TRAPPC9: variants seen among roughly 807,000 people sequenced by gnomAD.
TRAPPC9 encodes the protein trafficking protein particle complex subunit 9.
A neutral mutation model predicts 124.0 loss-of-function variants in TRAPPC9; 83 were observed. The ratio of observed to expected loss-of-function variants is 0.67; its 90% confidence interval spans 0.56 to 0.80. The LOEUF (loss-of-function observed/expected upper bound fraction) is 0.80, where lower values mean the gene tolerates loss of function less well. TRAPPC9 is among the 30% of genes least tolerant of loss of function. The pLI, the probability that TRAPPC9 is intolerant of heterozygous loss-of-function variation, is 0.00. For synonymous variants in TRAPPC9, 638 were observed against 617.5 expected, an observed-to-expected ratio of 1.03 and a Z score of -0.49; for missense variants, 1,302 against 1,508.3, an observed-to-expected ratio of 0.86 and a Z score of 2.27.
At chr8:139,810,569 C>T (rs141898239) in intron 21 of TRAPPC9, among the ~76,000 whole-genome samples, 19 of 152,228 alleles carry the variant, frequency 1.2e-4, no homozygotes, top group African/African-American at 2.2e-4. Context: ...CACACCACTG[C>T]GTAAAGCTCT....
Position 140,000,104 on chromosome 8 carries a change from C to T in TRAPPC9, c.2700-11268G>A, listed in dbSNP as rs150956657. Among the ~76,000 whole-genome samples, 1,141 of 152,260 alleles carry T rather than the reference C, an allele frequency of 7.5e-3. 17 individuals are homozygous for T. Among genetic ancestry groups the T allele is most frequent in the African/African-American group, 0.026 (1,093 of 41,542 alleles). ...ACATCTACAACAACCTGATCTTTGACAAACCTGACAAAAACAAGCAATGGT... is the reference window on the plus strand; with the variant it reads ...ACATCTACAACAACCTGATCTTTGATAAACCTGACAAAAACAAGCAATGGT... On this transcript the variant is annotated intron_variant, in intron 18 of 22. Transcript: ENST00000438773.
intron 21 of TRAPPC9, among the ~76,000 whole-genome samples, chr8:139,870,988 C>T (rs1318408276): frequency 6.6e-6 from 1 of 152,154 alleles, no homozygotes; most frequent in Admixed American, 6.5e-5. Context: ...CGTCTCTCTT[C>T]GCTCCCACAC....
At chr8:140,132,874 G>T (rs761332817) in intron 17 of TRAPPC9, among the ~76,000 whole-genome samples, 1 of 152,170 alleles carries the variant, frequency 6.6e-6, no homozygotes, top group African/African-American at 2.4e-5. Flanking sequence ...TTGGCAGCAC[G>T]CAAGAGAGGC....
intron 19 of TRAPPC9, among the ~76,000 whole-genome samples, chr8:139,966,181 G>A (rs915165589): frequency 3.3e-5 from 5 of 152,302 alleles, no homozygotes; most frequent in South Asian, 2.1e-4. Context: ...TCTCATCCTC[G>A]AAGGGAGGTG....
chr8:140,296,402 C>A (rs1351424556), intron 11 of TRAPPC9, among the ~76,000 whole-genome samples: 1 of 152,112 alleles, frequency 6.6e-6, no homozygotes, highest in Non-Finnish European at 1.5e-5. Context: ...CTAGCTGGGA[C>A]CACAGGTGCC....
At chr8:140,208,304 A>G (rs568190797) in intron 17 of TRAPPC9, among the ~76,000 whole-genome samples, 6 of 152,340 alleles carry the variant, frequency 3.9e-5, no homozygotes, top group African/African-American at 1.4e-4. Context: ...AGTGTCCGTA[A>G]GGATGCTTGT....
chr8:140,089,581 T>A (rs534547787), intron 17 of TRAPPC9, among the ~76,000 whole-genome samples: 1 of 152,288 alleles, frequency 6.6e-6, no homozygotes, highest in South Asian at 2.1e-4. Flanking sequence ...TTTTCGGATT[T>A]TGGAATAGCA....
chr8:140,238,533 C>T (rs922943540), intron 16 of TRAPPC9: 1 of 152,206 alleles, frequency 6.6e-6, no homozygotes, highest in African/African-American at 2.4e-5. Context: ...GGAGATGGCA[C>T]GGGCTAAATA....
intron 17 of TRAPPC9, among the ~76,000 whole-genome samples, chr8:140,081,193 C>A (rs1223609797): frequency 6.6e-6 from 1 of 152,180 alleles, no homozygotes; most frequent in Non-Finnish European, 1.5e-5. Context: ...TGGACCTCTG[C>A]TCCTCACAGT....
intron 10 of TRAPPC9, 56 bp from the exon 11 acceptor site, chr8:140,300,670 G>C: frequency 2.5e-6 from 4 of 1,607,006 alleles, no homozygotes; most frequent in Admixed American, 1.7e-5. Flanking sequence ...GTGGTTTCAG[G>C]ATAAACATAA....
At chr8:140,153,614 G>C (rs1222690884) in intron 17 of TRAPPC9, among the ~76,000 whole-genome samples, 1 of 152,012 alleles carries the variant, frequency 6.6e-6, no homozygotes, top group African/African-American at 2.4e-5. Context: ...ATTTAACACA[G>C]CACCTGCGTA....
At position 139,732,198 on chromosome 8, in the gene TRAPPC9, C is replaced by A; in HGVS notation, c.3060G>T (p.Val1020=). ...GGTCACATGGCTGTCCGTCCACCAGCACATCTGTAAGGGACACGAGACTGT... is the reference window on the plus strand; with the variant it reads ...GGTCACATGGCTGTCCGTCCACCAGAACATCTGTAAGGGACACGAGACTGT... ...HLQLAPLQWD[V]LVDGQPCDRE... Residue 1020 remains valine, a synonymous_variant, in exon 22 of 23, where the codon GTG becomes GTT. Transcript: ENST00000438773. 6.3e-7 allele frequency: 1 copy of A among 1,588,888 alleles called. No homozygotes were observed. The highest frequency in any genetic ancestry group is 8.5e-7 in the Non-Finnish European group (1 of 1,173,918).
rs1328781569 is a variant in TRAPPC9 at position 139,777,524 on chromosome 8, A to C, written c.3056-45322T>G. On this transcript the variant is annotated intron_variant, in intron 21 of 22. Coordinates refer to ENST00000438773, the MANE Select transcript of TRAPPC9 (RefSeq NM_001160372.4). ...TCAACATTTCCTGAATGAGCAAATG[A>C]ATGAAGGAAAGATTTCCTCCTTGAC... 4.6e-5 allele frequency among the ~76,000 whole-genome samples: 7 copies of C among 152,344 alleles called. No individual in the cohort carries two copies. In the East Asian group the frequency reaches 9.6e-4, roughly 21 times the overall value.
At chr8:140,060,644 G>C (rs951854952) in intron 17 of TRAPPC9, among the ~76,000 whole-genome samples, 4 of 151,854 alleles carry the variant, frequency 2.6e-5, no homozygotes, top group African/African-American at 4.8e-5. Flanking sequence ...CTGCCCACGG[G>C]CACTACCGAA....
intron 17 of TRAPPC9, among the ~76,000 whole-genome samples, chr8:140,137,955 A>T (rs1338687640): frequency 1.3e-5 from 2 of 152,236 alleles, no homozygotes; most frequent in African/African-American, 4.8e-5. Flanking sequence ...TCTCCATGAG[A>T]TATTGGCATA....
At chr8:140,303,868 C>T (rs1234487336) in intron 10 of TRAPPC9, among the ~76,000 whole-genome samples, 1 of 152,158 alleles carries the variant, frequency 6.6e-6, no homozygotes, top group Non-Finnish European at 1.5e-5. Flanking sequence ...AAGAAAATGG[C>T]TCTGACCATC....
At chr8:139,872,719 G>A (rs1829033863) in intron 21 of TRAPPC9, among the ~76,000 whole-genome samples, 1 of 4,372 alleles carries the variant, frequency 2.3e-4, no homozygotes, top group African/African-American at 1.2e-3. Flanking sequence ...TGGATGGATG[G>A]ATGGGTGGGT....
chr8:140,057,272 G>A (rs1177702613), intron 17 of TRAPPC9, among the ~76,000 whole-genome samples: 1 of 152,180 alleles, frequency 6.6e-6, no homozygotes, highest in Non-Finnish European at 1.5e-5. Context: ...ATGGAAAACA[G>A]TATGAAGTTT....
chr8:139,775,637 T>C (rs905100055), intron 21 of TRAPPC9, among the ~76,000 whole-genome samples: 1 of 152,166 alleles, frequency 6.6e-6, no homozygotes, highest in Admixed American at 6.5e-5. Context: ...CCCCCATAGA[T>C]ATGGCCTGGC....
Sources: gnomAD v4.1 joint callset for allele counts (sites outside exome capture counted in the v4.1 genomes callset) on GRCh38, gnomAD v4.1.1 for gene constraint, MANE v1.5 for transcripts, NCBI Gene and HGNC (gene_info 2026-07-23, HGNC 2026-07-21) for gene names.